The following ZCCHC10 variants were observed in gnomAD, a reference collection of about 807,000 sequenced individuals.
The protein encoded by ZCCHC10 is zinc finger CCHC-type containing 10, also known as zinc finger CCHC domain-containing protein 10.
ZCCHC10 carries 16 observed loss-of-function variants against 19.5 expected under a neutral mutation model. The ratio of observed to expected loss-of-function variants is 0.82; its 90% CI spans 0.56 to 1.25. ZCCHC10 has a LOEUF of 1.25. Among genes scored for constraint, ZCCHC10 ranks in the 50% most tolerant of loss-of-function variants. The pLI is 0.00. For missense variants in ZCCHC10, 197 were observed against 201.0 expected, an observed-to-expected ratio of 0.98 and a Z score of 0.12; for synonymous variants, 67 against 72.5, an observed-to-expected ratio of 0.92 and a Z score of 0.38.
At chr5:133,021,737 T>C (rs1445274117) in intron 2 of ZCCHC10, among the ~76,000 whole-genome samples, 1 of 152,160 alleles carries the variant, frequency 6.6e-6, no homozygotes, top group Non-Finnish European at 1.5e-5. Flanking sequence ...TGCCCTAAAT[T>C]TATAATTTTT....
rs552101930 is a variant in ZCCHC10 at position 133,003,930 on chromosome 5, G to A, written c.269+2829C>T. On this transcript the variant is annotated intron_variant, in intron 3 of 4. Transcript: ENST00000509437. ...TTGCCATGTTGGCCAGGATGGTCTCGAACTCCTGACCTCGAGTGATCCACC... is the reference window on the plus strand; with the variant it reads ...TTGCCATGTTGGCCAGGATGGTCTCAAACTCCTGACCTCGAGTGATCCACC... Among the ~76,000 whole-genome samples the A allele has an allele frequency of 4.4e-4, 66 of 150,744 alleles. 1 individual carries two copies. The South Asian group carries it at 0.013, about 30-fold the overall frequency.
intron 3 of ZCCHC10, 105 bp from the exon 4 acceptor site, chr5:133,000,278 TTC>T (rs1462780037): frequency 7.6e-7 from 1 of 1,308,586 alleles, no homozygotes; most frequent in Middle Eastern, 1.9e-4. Flanking sequence ...TGGAGAAAGA[TTC>T]TGTGTTTTTA....
At chr5:133,024,133 T>C (rs975502116) in intron 1 of ZCCHC10, among the ~76,000 whole-genome samples, 1 of 152,246 alleles carries the variant, frequency 6.6e-6, no homozygotes, top group African/African-American at 2.4e-5. Flanking sequence ...ATTGTAGATA[T>C]AAAAATTTGT....
chr5:133,018,076 C>T (rs1006253131), intron 2 of ZCCHC10, among the ~76,000 whole-genome samples: 1 of 147,174 alleles, frequency 6.8e-6, no homozygotes. Flanking sequence ...AACCAGGAGG[C>T]GGAGGGTGCA....
intron 2 of ZCCHC10, among the ~76,000 whole-genome samples, chr5:133,007,703 T>C (rs1763216341): frequency 6.6e-6 from 1 of 152,174 alleles, no homozygotes; most frequent in African/African-American, 2.4e-5. Flanking sequence ...AATAAACTTT[T>C]TTGTTGTGTA....
intron 2 of ZCCHC10, among the ~76,000 whole-genome samples, chr5:133,014,571 CTTCAGTAGGGAAGAG>C (rs1482835884): frequency 6.6e-6 from 1 of 152,172 alleles, no homozygotes; most frequent in East Asian, 1.9e-4. Flanking sequence ...CTTTAGTCTC[CTTCAGTAGGGAAGAG>C]TTCCTCAGTC....
chr5:132,998,409 C>T lies in ZCCHC10; in HGVS notation c.*174G>A. 1.8e-6 allele frequency: 1 copy of T among 562,728 alleles called. No homozygotes were observed. The highest frequency in any genetic ancestry group is 3.1e-6 in the Non-Finnish European group (1 of 327,036). The allele number at this position is 562,728 out of a possible 1,614,324, so 34.9% of individuals were successfully genotyped here. ...ATTCACCCTTCAAATAAAAGTCTCT[C>T]TCTATAAGCCATTATTAATATTCTC... On this transcript the variant is annotated 3_prime_UTR_variant, in exon 5 of 5. Coordinates refer to ENST00000509437, the MANE Select transcript of ZCCHC10 (RefSeq NM_001300816.3).
chr5:133,000,600 T>C (rs533557487), intron 3 of ZCCHC10, among the ~76,000 whole-genome samples: 5 of 152,068 alleles, frequency 3.3e-5, no homozygotes, highest in African/African-American at 1.2e-4. Context: ...AGCAGCCCTT[T>C]AATTTAAAAT....
At chr5:133,017,846 A>G (rs916976838) in intron 2 of ZCCHC10, among the ~76,000 whole-genome samples, 6 of 152,184 alleles carry the variant, frequency 3.9e-5, no homozygotes, top group Admixed American at 6.6e-5. Flanking sequence ...ACGATTCTAT[A>G]CAAAGTTTAA....
intron 2 of ZCCHC10, among the ~76,000 whole-genome samples, chr5:133,011,153 A>C (rs1188968217): frequency 6.6e-6 from 1 of 151,730 alleles, no homozygotes; most frequent in Non-Finnish European, 1.5e-5. Flanking sequence ...GGTCTCACTA[A>C]GTTGCCCCGG....
intron 3 of ZCCHC10, among the ~76,000 whole-genome samples, chr5:133,001,056 T>C (rs1411958634): frequency 2.0e-5 from 3 of 152,120 alleles, no homozygotes; most frequent in Non-Finnish European, 2.9e-5. Context: ...GCTGCTATTA[T>C]TCTGTCAAAC....
chr5:133,013,061 TAA>T (rs368155320), intron 2 of ZCCHC10, among the ~76,000 whole-genome samples: 6,017 of 113,030 alleles, frequency 0.053, 399 homozygotes, highest in African/African-American at 0.16. Context: ...AAAAAAAAAT[TAA>T]AAAAAAAAAA....
chr5:133,009,514 G>A (rs1277276961), intron 2 of ZCCHC10, among the ~76,000 whole-genome samples: 3 of 149,636 alleles, frequency 2.0e-5, no homozygotes, highest in Non-Finnish European at 4.4e-5. Flanking sequence ...TCAGGAAGCT[G>A]AGGCAGGAGA....
In ZCCHC10 at chr5:132,997,494, A is replaced by ATATT. The variant is rs1358500956; in HGVS notation, c.*1085_*1088dup. On this transcript the variant is annotated 3_prime_UTR_variant, in exon 5 of 5. Transcript: ENST00000509437. ...AATAACAGCATTTTACTTTTAAGAAATATTGTGCAGTATCTCCTTTTTAAC... is the reference window on the plus strand; with the variant it reads ...AATAACAGCATTTTACTTTTAAGAAATATTTATTGTGCAGTATCTCCTTTTTAAC... The ATATT allele has an allele frequency of 3.3e-5, 5 of 152,182 alleles. No individual in the cohort carries two copies. Among genetic ancestry groups the ATATT allele is most frequent in the African/African-American group, 1.2e-4 (5 of 41,448 alleles). The allele number at this position is 152,182 out of a possible 1,614,324, so 9.4% of individuals were successfully genotyped here. A position where few individuals can be genotyped will look rare whatever the true frequency, so the allele number is the denominator to read the frequency against.
intron 2 of ZCCHC10, among the ~76,000 whole-genome samples, chr5:133,008,788 G>C (rs897715535): frequency 6.6e-6 from 1 of 151,998 alleles, no homozygotes; most frequent in African/African-American, 2.4e-5. Flanking sequence ...AAGGGAGGCA[G>C]ATAACTTGAG....
chr5:133,016,546 G>A (rs575053458), intron 2 of ZCCHC10, among the ~76,000 whole-genome samples: 8 of 151,994 alleles, frequency 5.3e-5, no homozygotes, highest in South Asian at 2.1e-4. Flanking sequence ...GGGTTCAATC[G>A]ATTCTCTTGC....
At chr5:133,012,581 GA>G (rs773609577) in intron 2 of ZCCHC10, among the ~76,000 whole-genome samples, 1 of 151,838 alleles carries the variant, frequency 6.6e-6, no homozygotes, top group Admixed American at 6.6e-5. Flanking sequence ...ATGGATAACA[GA>G]AAAATAAGAT....
At chr5:133,001,092 A>T (rs141224591) in intron 3 of ZCCHC10, among the ~76,000 whole-genome samples, 250 of 152,150 alleles carry the variant, frequency 1.6e-3, no homozygotes, top group African/African-American at 5.7e-3. Context: ...TCAGGTTTTT[A>T]AATTACACAA....
At chr5:133,015,940 TTAA>T (rs1763891056) in intron 2 of ZCCHC10, among the ~76,000 whole-genome samples, 1 of 152,230 alleles carries the variant, frequency 6.6e-6, no homozygotes, top group African/African-American at 2.4e-5. Context: ...TGAGTGTGGA[TTAA>T]TGTTTTTCCA....
Sources: allele counts gnomAD v4.1 joint callset (sites outside exome capture counted in the v4.1 genomes callset), GRCh38; gene constraint gnomAD v4.1.1; transcripts MANE v1.5; gene names NCBI Gene and HGNC (gene_info 2026-07-23, HGNC 2026-07-21).